The following CRTAM variants were observed in gnomAD, a reference collection of about 807,000 sequenced individuals.
CRTAM encodes cytotoxic and regulatory T cell molecule.
In CRTAM, 44 loss-of-function variants were observed where a neutral mutation model predicts 50.0. The observed-to-expected ratio is 0.88, with a 90% CI of 0.69 to 1.13. The LOEUF (loss-of-function observed/expected upper bound fraction) is 1.13. CRTAM is among the 50% of genes most tolerant of loss of function. CRTAM has a pLI of 0.00. For missense variants in CRTAM, 448 were observed against 457.5 expected, an observed-to-expected ratio of 0.98 and a Z score of 0.19; for synonymous variants, 159 against 169.3, an observed-to-expected ratio of 0.94 and a Z score of 0.47.
intron 5 of CRTAM, among the ~76,000 whole-genome samples, chr11:122,860,870 AT>A (rs922051219): frequency 1.3e-5 from 2 of 151,904 alleles, no homozygotes; most frequent in Admixed American, 6.6e-5. Context: ...ATGCCCAGCT[AT>A]TTTTTTGTAG....
chr11:122,868,333 T>G (rs1413528135), intron 9 of CRTAM, among the ~76,000 whole-genome samples: 1 of 151,808 alleles, frequency 6.6e-6, no homozygotes, highest in East Asian at 1.9e-4. Context: ...CCTGGTATGC[T>G]GGTAGCCTGG....
chr11:122,851,994 G>A, intron 3 of CRTAM, 149 bp downstream of exon 3: 1 of 676,760 alleles, frequency 1.5e-6, no homozygotes, highest in Non-Finnish European at 2.4e-6. Context: ...AAAGGAAACA[G>A]AAGAGAGCAT....
chr11:122,848,331 A>G (rs1236325673), intron 1 of CRTAM, among the ~76,000 whole-genome samples: 12 of 152,240 alleles, frequency 7.9e-5, no homozygotes, highest in Non-Finnish European at 1.5e-5. Flanking sequence ...CTCTATTAAT[A>G]TCATCCTTAT....
At chr11:122,862,437 C>A (rs770913459) in intron 5 of CRTAM, 27 bp from the exon 6 acceptor site, 14 of 1,453,876 alleles carry the variant, frequency 9.6e-6, no homozygotes, top group Non-Finnish European at 1.3e-5. Context: ...TCTATAGTAG[C>A]AGAATTTTGT....
intron 4 of CRTAM, among the ~76,000 whole-genome samples, chr11:122,855,383 C>T (rs547499987): frequency 5.3e-5 from 8 of 152,338 alleles, no homozygotes; most frequent in Non-Finnish European, 1.2e-4. Context: ...ATAAGACTTC[C>T]CTTTAATTCG....
intron 9 of CRTAM, among the ~76,000 whole-genome samples, chr11:122,868,445 G>T (rs1862211279): frequency 6.6e-6 from 1 of 151,998 alleles, no homozygotes; most frequent in African/African-American, 2.4e-5. Context: ...GGAGAGAGGA[G>T]GGAGTGTATT....
At chr11:122,845,078 G>A (rs1451401783) in intron 1 of CRTAM, among the ~76,000 whole-genome samples, 4 of 152,130 alleles carry the variant, frequency 2.6e-5, no homozygotes, top group Non-Finnish European at 4.4e-5. Context: ...TCTGACCTCC[G>A]TTGTGTGAAG....
intron 5 of CRTAM, among the ~76,000 whole-genome samples, chr11:122,856,574 T>C (rs1244263199): frequency 6.6e-6 from 1 of 152,268 alleles, no homozygotes; most frequent in Non-Finnish European, 1.5e-5. Flanking sequence ...GGTACTTCTC[T>C]GTGTAATCAA....
At chr11:122,840,586 G>A (rs572013198) in intron 1 of CRTAM, among the ~76,000 whole-genome samples, 1 of 152,324 alleles carries the variant, frequency 6.6e-6, no homozygotes, top group East Asian at 1.9e-4. Flanking sequence ...AATGGCATTT[G>A]AGCAGTGGCT....
chr11:122,864,571 C>T (rs988030602), intron 6 of CRTAM, 65 bp from the exon 7 acceptor site: 8 of 1,127,686 alleles, frequency 7.1e-6, no homozygotes, highest in Non-Finnish European at 9.2e-6. Context: ...TACGTAACTA[C>T]AGTTGTATGT....
At chr11:122,871,118 C>A (rs1298403046) in intron 9 of CRTAM, 151 bp from the exon 10 acceptor site, 4 of 662,496 alleles carry the variant, frequency 6.0e-6, no homozygotes, top group African/African-American at 1.9e-5. Flanking sequence ...TATAATAATG[C>A]CTTCAGACCA....
rs757432871 is a variant in CRTAM, at chr11:122,868,151, TAGTC to T, written c.1051+55_1051+58del. 1.2e-5 allele frequency: 14 copies of T among 1,130,138 alleles called. No homozygotes were observed. The East Asian group carries it at 2.8e-4, about 23-fold the overall frequency. 70.0% of individuals were successfully genotyped at this position (1,130,138 alleles called of 1,614,324 possible). A position where few individuals can be genotyped will look rare whatever the true frequency, so the allele number is the denominator to read the frequency against. On this transcript the variant is annotated intron_variant, in intron 9 of 9. Coordinates refer to ENST00000227348, the MANE Select transcript of CRTAM (RefSeq NM_019604.4). Reference sequence around the variant, plus strand: ...TGAACAATGAGGTTCATTAATGTATTAGTCAGATTTCTCCAGAGAGACAGAGACA... The same window carrying T: ...TGAACAATGAGGTTCATTAATGTATTAGATTTCTCCAGAGAGACAGAGACA...
chr11:122,867,357 A>C, intron 7 of CRTAM, 52 bp from the exon 8 acceptor site: 1 of 180,944 alleles, frequency 5.5e-6, no homozygotes. Flanking sequence ...CCAGTGGCAA[A>C]AAAAAAAAAA....
intron 4 of CRTAM, among the ~76,000 whole-genome samples, chr11:122,855,191 G>A (rs1251334339): frequency 2.0e-5 from 3 of 152,148 alleles, no homozygotes; most frequent in Non-Finnish European, 4.4e-5. Flanking sequence ...TGTTCCAACT[G>A]CCTCGGCCTC....
Position 122,871,822 on chromosome 11 carries a change from T to G in CRTAM, c.*423T>G, listed in dbSNP as rs1415479944. 3.3e-5 allele frequency: 5 copies of G among 152,332 alleles called. No homozygotes were observed. 9.4% of individuals were successfully genotyped at this position (152,332 alleles called of 1,614,324 possible). On this transcript the variant is annotated 3_prime_UTR_variant, in exon 10 of 10. Transcript: ENST00000227348. Reference sequence around the variant, plus strand: ...AAAGAAATTTGGGATGCAAAGTACCTAAAGATCTCTGATCCTAAGAAGTTA... The same window carrying G: ...AAAGAAATTTGGGATGCAAAGTACCGAAAGATCTCTGATCCTAAGAAGTTA...
chr11:122,844,177 G>C (rs956640199), intron 1 of CRTAM, among the ~76,000 whole-genome samples: 1 of 152,174 alleles, frequency 6.6e-6, no homozygotes, highest in African/African-American at 2.4e-5. Context: ...GTACTTTAGT[G>C]TATAATAAAA....
At chr11:122,860,340 G>GCT (rs1862055561) in intron 5 of CRTAM, among the ~76,000 whole-genome samples, 1 of 152,086 alleles carries the variant, frequency 6.6e-6, no homozygotes, top group African/African-American at 2.4e-5. Flanking sequence ...GTGAGCCACT[G>GCT]CACCTGGCCT....
At chr11:122,846,051 C>T (rs995777147) in intron 1 of CRTAM, among the ~76,000 whole-genome samples, 5 of 152,038 alleles carry the variant, frequency 3.3e-5, no homozygotes, top group African/African-American at 1.2e-4. Context: ...TGTACCAAAT[C>T]ATCTTTTGAG....
intron 1 of CRTAM, among the ~76,000 whole-genome samples, chr11:122,838,950 A>T (rs1009754920): frequency 2.1e-4 from 32 of 149,310 alleles, no homozygotes; most frequent in African/African-American, 7.8e-4. Context: ...TATTTATGAG[A>T]CACAGTCTCG....
Sources: allele counts gnomAD v4.1 joint callset (sites outside exome capture counted in the v4.1 genomes callset), GRCh38; gene constraint gnomAD v4.1.1; transcripts MANE v1.5; gene names NCBI Gene and HGNC (gene_info 2026-07-23, HGNC 2026-07-21).